Variants in THEMIS observed in about 807,000 individuals in gnomAD.
THEMIS encodes protein THEMIS.
In THEMIS, 37 loss-of-function variants were observed where a neutral mutation model predicts 52.6. The ratio of observed to expected loss-of-function variants is 0.70; its 90% CI spans 0.54 to 0.93. The LOEUF is 0.93. Ranked by LOEUF, THEMIS falls within the 40% of genes least tolerant of loss-of-function variation. The probability of loss-of-function intolerance (pLI) is 0.00; values close to 1 mark genes in which losing one functional copy is unlikely to be tolerated. For missense variants in THEMIS, 808 were observed against 763.1 expected, an observed-to-expected ratio of 1.06 and a Z score of -0.69; for synonymous variants, 292 against 272.7, an observed-to-expected ratio of 1.07 and a Z score of -0.70.
chr6:127,891,913 C>G (rs1326262858), intron 1 of THEMIS, among the ~76,000 whole-genome samples: 1 of 152,186 alleles, frequency 6.6e-6, no homozygotes, highest in African/African-American at 2.4e-5. Context: ...CTTCCTCAAA[C>G]AGACAAAGCT....
chr6:127,788,579 A>G (rs1450615424), intron 4 of THEMIS, among the ~76,000 whole-genome samples: 1 of 152,214 alleles, frequency 6.6e-6, no homozygotes, highest in African/African-American at 2.4e-5. Context: ...AAGGTACTCA[A>G]TTGTATTTTC....
At chr6:127,855,526 A>T (rs113278431) in intron 1 of THEMIS, among the ~76,000 whole-genome samples, 1,963 of 152,034 alleles carry the variant, frequency 0.013, 39 homozygotes, top group African/African-American at 0.045. Flanking sequence ...TGGGTCACAA[A>T]ATTAAGCTCA....
At chr6:127,846,659 CA>C (rs1349455662) in intron 2 of THEMIS, among the ~76,000 whole-genome samples, 1 of 151,348 alleles carries the variant, frequency 6.6e-6, no homozygotes, top group Non-Finnish European at 1.5e-5. Context: ...AATTGCCAAC[CA>C]AAAAAAGCCC....
At chr6:127,894,998 TGA>T (rs970102024) in intron 1 of THEMIS, among the ~76,000 whole-genome samples, 3 of 148,626 alleles carry the variant, frequency 2.0e-5, no homozygotes, top group African/African-American at 7.3e-5. Flanking sequence ...TATATTTATA[TGA>T]AAAAAATGTA....
chr6:127,893,182 G>T (rs1290262137), intron 1 of THEMIS, among the ~76,000 whole-genome samples: 2 of 151,750 alleles, frequency 1.3e-5, no homozygotes. Context: ...TGGTTTTATT[G>T]TTAATGTTTT....
intron 1 of THEMIS, among the ~76,000 whole-genome samples, chr6:127,891,211 A>C (rs1257613282): frequency 1.3e-5 from 2 of 151,914 alleles, no homozygotes; most frequent in African/African-American, 4.8e-5. Context: ...TCATTTTCTC[A>C]CCTCAATTTC....
chr6:127,888,447 G>A (rs1780708696), intron 1 of THEMIS, among the ~76,000 whole-genome samples: 1 of 151,886 alleles, frequency 6.6e-6, no homozygotes, highest in South Asian at 2.1e-4. Flanking sequence ...GAAATTATGG[G>A]GTTCCCTATA....
At chr6:127,747,010 T>TC (rs1410663803) in intron 4 of THEMIS, among the ~76,000 whole-genome samples, 1 of 87,714 alleles carries the variant, frequency 1.1e-5, no homozygotes, top group Admixed American at 1.8e-4. Flanking sequence ...TATAATTATA[T>TC]TATATATAAT....
chr6:127,781,667 C>A (rs1776748605), intron 4 of THEMIS, among the ~76,000 whole-genome samples: 1 of 152,238 alleles, frequency 6.6e-6, no homozygotes, highest in South Asian at 2.1e-4. Context: ...TGCAGGTCTG[C>A]TGGAGTTTGC....
At chr6:127,698,856 A>T in the THEMIS span, among the ~76,000 whole-genome samples, 1 of 151,984 alleles carries the variant, frequency 6.6e-6, no homozygotes, top group Non-Finnish European at 1.5e-5. Flanking sequence ...AAATCACACC[A>T]GATAATTTAA....
At chr6:127,745,272 A>C (rs1775348120) in intron 4 of THEMIS, among the ~76,000 whole-genome samples, 1 of 151,876 alleles carries the variant, frequency 6.6e-6, no homozygotes, top group Non-Finnish European at 1.5e-5. Flanking sequence ...AAATATGCCT[A>C]AGCAATTAAT....
rs574626492 is a variant in THEMIS at position 127,800,247 on chromosome 6, T to A, written c.1758+12636A>T. On this transcript the variant is annotated intron_variant, in intron 4 of 5. Transcript: ENST00000368248. ...GCACTCAGCTAATAAAGCCCTCTGG[T>A]TCTTATATTTTAGATTTTTTAATAT... Among the ~76,000 whole-genome samples, 203 of 152,284 alleles carry A rather than the reference T, an allele frequency of 1.3e-3. 1 individual carries two copies. The highest frequency in any genetic ancestry group is 4.6e-3 in the African/African-American group (190 of 41,564).
At chr6:127,820,013 G>T (rs887124772) in intron 3 of THEMIS, among the ~76,000 whole-genome samples, 3 of 152,152 alleles carry the variant, frequency 2.0e-5, no homozygotes, top group Non-Finnish European at 4.4e-5. Flanking sequence ...TTTTAAGAGA[G>T]AGGAGGGAGG....
In THEMIS at chr6:127,817,934, G is replaced by C. The variant is rs139525022; in HGVS notation, c.710-4003C>G. ...CAAATTTCCTTGTGCTTCTGGCAGG[G>C]TGAGAGAAGAAGCAACTATTCTGAA... On this transcript the variant is annotated intron_variant, in intron 3 of 5. Transcript: ENST00000368248. 1.7e-3 allele frequency among the ~76,000 whole-genome samples: 255 copies of C among 152,280 alleles called. 4 individuals are homozygous for C. The highest frequency in any genetic ancestry group is 5.5e-3 in the African/African-American group (227 of 41,556).
chr6:127,795,357 C>T (rs1046654892), intron 4 of THEMIS, among the ~76,000 whole-genome samples: 1 of 152,154 alleles, frequency 6.6e-6, no homozygotes, highest in Non-Finnish European at 1.5e-5. Flanking sequence ...GAGATGGAGT[C>T]TTGCTCTGTC....
chr6:127,726,213 TAA>T (rs1774541315), intron 4 of THEMIS, among the ~76,000 whole-genome samples: 1 of 152,108 alleles, frequency 6.6e-6, no homozygotes, highest in Non-Finnish European at 1.5e-5. Context: ...GTCAGACATT[TAA>T]AAGAGTTGGT....
At chr6:127,904,131 A>G (rs1781212135), upstream of THEMIS, among the ~76,000 whole-genome samples, 1 of 152,092 alleles carries the variant, frequency 6.6e-6, no homozygotes, top group South Asian at 2.1e-4. Context: ...TTCACATAGC[A>G]AAAGAGACCA....
intron 3 of THEMIS, among the ~76,000 whole-genome samples, chr6:127,818,213 GA>G (rs1358072360): frequency 6.6e-6 from 1 of 152,024 alleles, no homozygotes; most frequent in Non-Finnish European, 1.5e-5. Flanking sequence ...TCCCAAAGGG[GA>G]CAAAAAAGCT....
chr6:127,762,505 T>C (rs974661977), intron 4 of THEMIS, among the ~76,000 whole-genome samples: 15 of 152,242 alleles, frequency 9.9e-5, no homozygotes, highest in African/African-American at 3.6e-4. Context: ...GCACTCTGGC[T>C]CTCTGCCAGC....
Sources: gnomAD v4.1 joint callset for allele counts (sites outside exome capture counted in the v4.1 genomes callset) on GRCh38, gnomAD v4.1.1 for gene constraint, MANE v1.5 for transcripts, NCBI Gene and HGNC (gene_info 2026-07-23, HGNC 2026-07-21) for gene names.